GINS3: variants seen among roughly 807,000 people sequenced by gnomAD.
GINS3 encodes the protein GINS complex subunit 3.
In GINS3, 18 loss-of-function variants were observed where a neutral mutation model predicts 20.0. The observed-to-expected ratio is 0.90, with a 90% CI of 0.62 to 1.33. GINS3 has a LOEUF of 1.33. GINS3 is among the 40% of genes most tolerant of loss of function. The probability of loss-of-function intolerance (pLI) is 0.00; values close to 1 mark genes in which losing one functional copy is unlikely to be tolerated. For missense variants in GINS3, 254 were observed against 273.6 expected, an observed-to-expected ratio of 0.93 and a Z score of 0.51; for synonymous variants, 109 against 107.0, an observed-to-expected ratio of 1.02 and a Z score of -0.12.
intron 1 of GINS3, 191 bp from the exon 2 acceptor site, chr16:58,402,907 T>C: frequency 1.7e-6 from 1 of 589,768 alleles, no homozygotes; most frequent in South Asian, 2.1e-5. Flanking sequence ...TCTCTCTCCA[T>C]TCCATCATCA....
At chr16:58,397,005 C>G (rs1170590902) in intron 1 of GINS3, among the ~76,000 whole-genome samples, 2 of 141,224 alleles carry the variant, frequency 1.4e-5, no homozygotes, top group Non-Finnish European at 3.1e-5. Context: ...GGGCGGCTGG[C>G]TGGGCGGGGG....
At chr16:58,400,164 C>T (rs1053984580) in intron 1 of GINS3, among the ~76,000 whole-genome samples, 2 of 152,116 alleles carry the variant, frequency 1.3e-5, no homozygotes, top group African/African-American at 2.4e-5. Flanking sequence ...ACTCAAAGGA[C>T]TCAGCATATA....
intron 1 of GINS3, among the ~76,000 whole-genome samples, chr16:58,396,431 G>C (rs1965860877): frequency 9.1e-6 from 1 of 110,060 alleles, no homozygotes; most frequent in Non-Finnish European, 1.9e-5. Flanking sequence ...CGGCTGGCTG[G>C]GCAGAGGGGC....
rs1161124104 is a variant in GINS3 at position 58,405,449 on chromosome 16, A to C, written c.*720A>C. The C allele has an allele frequency of 6.6e-6, 1 of 152,278 alleles. No homozygotes were observed. The highest frequency in any genetic ancestry group is 1.5e-5 in the Non-Finnish European group (1 of 68,064). 9.4% of individuals were successfully genotyped at this position (152,278 alleles called of 1,614,324 possible). On this transcript the variant is annotated 3_prime_UTR_variant, in exon 3 of 3. Transcript: ENST00000318129. Reference sequence around the variant, plus strand: ...GCTTGTTATTGCCTCGGAGAGCCTAAGAGCACCCGCACACTTAATTCTACT... The same window carrying C: ...GCTTGTTATTGCCTCGGAGAGCCTACGAGCACCCGCACACTTAATTCTACT...
At chr16:58,392,858 C>T in intron 1 of GINS3, 71 bp downstream of exon 1, 2 of 1,419,710 alleles carry the variant, frequency 1.4e-6, no homozygotes, top group Non-Finnish European at 1.9e-6. Context: ...CCCTGGGACG[C>T]CGCATCGGGG....
chr16:58,392,803 C>G lies in GINS3; in HGVS notation c.186+16C>G. ...GGTCCCACAGGTGAGCCTTTGGGTG[C>G]GGGGTCCTGCCCGGAAAGACTGCAG... On this transcript the variant is annotated intron_variant, in intron 1 of 2. Coordinates refer to ENST00000318129, the MANE Select transcript of GINS3 (RefSeq NM_022770.4). The G allele has an allele frequency of 6.3e-7, 1 of 1,577,116 alleles. No individual in the cohort carries two copies. The highest frequency in any genetic ancestry group is 2.3e-5 in the East Asian group (1 of 43,692).
At position 58,397,060 on chromosome 16, in the gene GINS3, G is replaced by A. The variant is rs182831421; in HGVS notation, c.186+4273G>A. On this transcript the variant is annotated intron_variant, in intron 1 of 2. Coordinates refer to ENST00000318129, the MANE Select transcript of GINS3 (RefSeq NM_022770.4). ...TTCCGGACAGGGCGGCTGGCCGGGC[G>A]GGGGGCTGACCCCCACCTCCCTCCT... Among the ~76,000 whole-genome samples the A allele has an allele frequency of 7.1e-3, 1,058 of 149,604 alleles. 18 individuals carry two copies. The highest frequency in any genetic ancestry group is 0.025 in the African/African-American group (994 of 39,410).
intron 1 of GINS3, among the ~76,000 whole-genome samples, chr16:58,394,093 G>A (rs1490137276): frequency 6.6e-6 from 1 of 152,010 alleles, no homozygotes; most frequent in African/African-American, 2.4e-5. Flanking sequence ...GGTAAACATG[G>A]CGCTATGCTG....
At chr16:58,398,874 C>A (rs775077828) in intron 1 of GINS3, among the ~76,000 whole-genome samples, 4 of 152,150 alleles carry the variant, frequency 2.6e-5, no homozygotes, top group African/African-American at 9.7e-5. Flanking sequence ...CCAATTTAAC[C>A]ATTCTGTGTG....
chr16:58,392,560 C>A lies in GINS3; in HGVS notation c.-42C>A. The A allele has an allele frequency of 6.2e-7, 1 of 1,606,772 alleles. No homozygotes were observed. The highest frequency in any genetic ancestry group is 8.5e-7 in the Non-Finnish European group (1 of 1,174,996). Reference sequence around the variant, plus strand: ...TACACCCCTAACTCCTGAGGCTCCTCCGAATCACGCGAGTGGAAGCGGAGA... The same window carrying A: ...TACACCCCTAACTCCTGAGGCTCCTACGAATCACGCGAGTGGAAGCGGAGA... On this transcript the variant is annotated 5_prime_UTR_variant, in exon 1 of 3. Coordinates refer to ENST00000318129, the MANE Select transcript of GINS3 (RefSeq NM_022770.4).
rs992141552 is a variant in GINS3 at position 58,404,884 on chromosome 16, G to C, written c.*155G>C. The C allele has an allele frequency of 6.0e-5, 38 of 630,096 alleles. No homozygotes were observed. In the East Asian group the frequency reaches 1.0e-3, roughly 17 times the overall value. 39.0% of individuals were successfully genotyped at this position (630,096 alleles called of 1,614,324 possible). ...ATTATAGGGAACTGGACATGCTGGA[G>C]GATGTGGGTGTCCCTGGCTCTGTGA... On this transcript the variant is annotated 3_prime_UTR_variant, in exon 3 of 3. Coordinates refer to ENST00000318129, the MANE Select transcript of GINS3 (RefSeq NM_022770.4).
chr16:58,397,343 A>G (rs1965890382), intron 1 of GINS3, among the ~76,000 whole-genome samples: 1 of 141,482 alleles, frequency 7.1e-6, no homozygotes, highest in African/African-American at 2.9e-5. Flanking sequence ...CCGGGCAGAG[A>G]CGCTCCTCAC....
At chr16:58,395,270 T>TTA in intron 1 of GINS3, 1 of 372,594 alleles carries the variant, frequency 2.7e-6, no homozygotes, top group Non-Finnish European at 4.7e-6. Flanking sequence ...TGTCTAAATT[T>TTA]TCTTTTTTTT....
chr16:58,403,593 G>A, intron 2 of GINS3: 1 of 446,856 alleles, frequency 2.2e-6, no homozygotes, highest in South Asian at 2.5e-5. Context: ...GGAACTCTAG[G>A]AAATGAGAAA....
chr16:58,399,049 C>T (rs1242539166), intron 1 of GINS3, among the ~76,000 whole-genome samples: 2 of 151,458 alleles, frequency 1.3e-5, no homozygotes, highest in Non-Finnish European at 2.9e-5. Context: ...CATGGTGGCT[C>T]CTGCCTGTAA....
chr16:58,396,069 C>T (rs571462972), intron 1 of GINS3, among the ~76,000 whole-genome samples: 1,796 of 140,060 alleles, frequency 0.013, 8 homozygotes, highest in Non-Finnish European at 0.02. Context: ...CCGGACGGGG[C>T]GGCTGGCCGG....
At chr16:58,395,696 T>C (rs1333043767) in intron 1 of GINS3, among the ~76,000 whole-genome samples, 1 of 152,150 alleles carries the variant, frequency 6.6e-6, no homozygotes, top group Admixed American at 6.5e-5. Context: ...TTTTTCTTAG[T>C]ACAGAACAAA....
At chr16:58,393,867 TTTA>T (rs890402520) in intron 1 of GINS3, among the ~76,000 whole-genome samples, 1 of 150,534 alleles carries the variant, frequency 6.6e-6, no homozygotes, top group African/African-American at 2.4e-5. Flanking sequence ...TACCAAAAGA[TTTA>T]TAAGAAAAAA....
intron 1 of GINS3, chr16:58,395,272 C>CT (rs111843649): frequency 0.13 from 29,153 of 223,322 alleles, 22 homozygotes; most frequent in East Asian, 0.17. Context: ...TCTAAATTTT[C>CT]TTTTTTTTTT....
Sources: gnomAD v4.1 joint callset for allele counts (sites outside exome capture counted in the v4.1 genomes callset) on GRCh38, gnomAD v4.1.1 for gene constraint, MANE v1.5 for transcripts, NCBI Gene and HGNC (gene_info 2026-07-23, HGNC 2026-07-21) for gene names.